Variants in SHC3 observed in about 807,000 individuals in gnomAD.
SHC3 encodes SHC adaptor protein 3, also known as SHC-transforming protein 3.
SHC3 carries 15 observed loss-of-function variants against 60.4 expected under a neutral mutation model. The observed-to-expected ratio is 0.25, with a 90% confidence interval of 0.17 to 0.38. The LOEUF (loss-of-function observed/expected upper bound fraction) is 0.38, where lower values mean the gene tolerates loss of function less well. SHC3 is among the 10% of genes least tolerant of loss of function. The pLI is 1.00. For missense variants in SHC3, 677 were observed against 786.1 expected (o/e 0.86, Z 1.66); for synonymous variants, 294 against 325.9 (o/e 0.90, Z 1.05).
chr9:89,013,436 T>A lies in SHC3; in HGVS notation c.*11A>T. The stretch of plus-strand genomic sequence containing the variant: ...ACCTGGTGCGCAGTGCTGGGAGCAG[T>A]GCTGGCCAGGTCACTGCTTCCTCTC... On this transcript the variant is annotated 3_prime_UTR_variant, in exon 12 of 12. Transcript: ENST00000375835. The A allele has an allele frequency of 1.2e-6, 2 of 1,608,908 alleles. No individual in the cohort carries two copies. The highest frequency in any genetic ancestry group is 1.7e-6 in the Non-Finnish European group (2 of 1,177,554).
rs938127662 is a variant in SHC3, at chr9:89,060,544, C to T, written c.835+4985G>A. Reference sequence around the variant, plus strand: ...CCAGGAGGCAAGAGCTTGCTTGGCACGGTCAGGGTCAAGGAAGACCCAGAA... The same window carrying T: ...CCAGGAGGCAAGAGCTTGCTTGGCATGGTCAGGGTCAAGGAAGACCCAGAA... On this transcript the variant is annotated intron_variant, in intron 6 of 11. Coordinates refer to ENST00000375835, the MANE Select transcript of SHC3 (RefSeq NM_016848.6). 3.1e-4 allele frequency among the ~76,000 whole-genome samples: 47 copies of T among 151,844 alleles called. 1 individual carries two copies. The highest frequency in any genetic ancestry group is 9.5e-4 in the African/African-American group (39 of 41,266).
At position 89,007,654 on chromosome 9, in the gene SHC3, G is replaced by A. The variant is rs1395248198; in HGVS notation, c.*5793C>T. 6.6e-6 allele frequency: 1 copy of A among 152,386 alleles called. No homozygotes were observed. Among genetic ancestry groups the A allele is most frequent in the Non-Finnish European group, 1.5e-5 (1 of 68,158 alleles). 9.4% of individuals were successfully genotyped at this position (152,386 alleles called of 1,614,324 possible). A position where few individuals can be genotyped will look rare whatever the true frequency, so the allele number is the denominator to read the frequency against. On this transcript the variant is annotated 3_prime_UTR_variant, in exon 12 of 12. Transcript: ENST00000375835. ...CTTCCCTTTCTCCTCCTTCCCTGCT[G>A]GCCTCAGACAGCTATGCATGGCTGC...
At chr9:89,155,313 G>A (rs1205633416) in intron 1 of SHC3, among the ~76,000 whole-genome samples, 3 of 152,054 alleles carry the variant, frequency 2.0e-5, no homozygotes, top group Admixed American at 6.6e-5. Context: ...CTTAATTCCC[G>A]GAGCCGGCTT....
intron 2 of SHC3, among the ~76,000 whole-genome samples, chr9:89,085,199 T>A: frequency 6.6e-6 from 1 of 152,228 alleles, no homozygotes; most frequent in Non-Finnish European, 1.5e-5. Flanking sequence ...TTGTTCTAAG[T>A]GCTCTGAAGG....
At chr9:89,124,357 T>C (rs917004758) in intron 1 of SHC3, among the ~76,000 whole-genome samples, 1 of 152,216 alleles carries the variant, frequency 6.6e-6, no homozygotes, top group African/African-American at 2.4e-5. Flanking sequence ...CAAAGAATTA[T>C]AAATCATTCT....
rs1450963033 is a variant in SHC3, at chr9:89,042,085, G to A, written c.1301C>T (p.Ala434Val). 6 of 1,602,736 alleles carry A rather than the reference G, an allele frequency of 3.7e-6. No individual in the cohort carries two copies. The highest frequency in any genetic ancestry group is 1.1e-5 in the South Asian group (1 of 88,664). The change falls in exon 10 of 12, where the codon GCC becomes GTC. Residue 434 changes from alanine to valine, a missense_variant. By Grantham distance (64) the Ala-to-Val change is moderately conservative. Coordinates refer to ENST00000375835, the MANE Select transcript of SHC3 (RefSeq NM_016848.6). ...YVNTQQIPPQ[A>V]WPAAVSSAES... ...AGCACTGCTGACCGCAGCCGGCCAG[G>A]CCTGTGGTGGGATCTGCTGAGTGTT...
intron 1 of SHC3, among the ~76,000 whole-genome samples, chr9:89,144,561 T>C (rs1286264403): frequency 6.6e-6 from 1 of 152,206 alleles, no homozygotes; most frequent in Admixed American, 6.5e-5. Flanking sequence ...TACATCACAT[T>C]AGACCTAACT....
intron 1 of SHC3, among the ~76,000 whole-genome samples, chr9:89,168,272 C>T (rs1826819218): frequency 1.3e-5 from 2 of 152,118 alleles, no homozygotes; most frequent in Non-Finnish European, 2.9e-5. Context: ...TCGAGACCAG[C>T]CAGACCAACA....
At position 89,093,031 on chromosome 9, in the gene SHC3, T is replaced by C. The variant is rs576166886; in HGVS notation, c.546-15128A>G. On this transcript the variant is annotated intron_variant, in intron 2 of 11. Transcript: ENST00000375835. ...ATGGATAATTGGGCTGTAGTTTGAGTCCATTACAAAGAATGCTTCTATGAA... is the reference window on the plus strand; with the variant it reads ...ATGGATAATTGGGCTGTAGTTTGAGCCCATTACAAAGAATGCTTCTATGAA... Among the ~76,000 whole-genome samples, 139 of 152,308 alleles carry C rather than the reference T, an allele frequency of 9.1e-4. 1 individual carries two copies. The highest frequency in any genetic ancestry group is 3.3e-3 in the African/African-American group (138 of 41,568).
intron 1 of SHC3, among the ~76,000 whole-genome samples, chr9:89,165,991 G>A (rs1826783310): frequency 6.6e-6 from 1 of 152,084 alleles, no homozygotes. Flanking sequence ...AATTGCCAGT[G>A]GCTTCCCACC....
Position 89,006,081 on chromosome 9 carries a change from C to T in SHC3, c.*7366G>A, listed in dbSNP as rs1442631739. 1 of 152,228 alleles carries T rather than the reference C, an allele frequency of 6.6e-6. No individual in the cohort carries two copies. The highest frequency in any genetic ancestry group is 1.5e-5 in the Non-Finnish European group (1 of 68,044). 9.4% of individuals were successfully genotyped at this position (152,228 alleles called of 1,614,324 possible). On this transcript the variant is annotated 3_prime_UTR_variant, in exon 12 of 12. Transcript: ENST00000375835. ...CACCACTGTTCTGATAATAAAGGCA[C>T]ATTTTCCAATAACCAATTATAACAA... is the stretch of plus-strand genomic sequence containing the variant.
chr9:89,046,447 T>C (rs1441025023), intron 8 of SHC3, among the ~76,000 whole-genome samples: 3 of 152,150 alleles, frequency 2.0e-5, no homozygotes, highest in Non-Finnish European at 4.4e-5. Context: ...ATGAATAAAA[T>C]AGAAAACTCA....
chr9:89,049,268 A>G (rs1293216830), intron 7 of SHC3, among the ~76,000 whole-genome samples: 2 of 140,834 alleles, frequency 1.4e-5, no homozygotes, highest in Non-Finnish European at 3.3e-5. Context: ...CTTAAAAACA[A>G]AACAAAACAA....
chr9:89,045,205 C>T (rs566337107), intron 9 of SHC3, among the ~76,000 whole-genome samples: 86 of 150,870 alleles, frequency 5.7e-4, no homozygotes, highest in Middle Eastern at 3.5e-3. Context: ...TGACTGCAGA[C>T]GGGGTGTGAA....
chr9:89,109,688 C>A (rs1168824405), intron 2 of SHC3: 3 of 985,346 alleles, frequency 3.0e-6, no homozygotes, highest in Non-Finnish European at 3.6e-6. Flanking sequence ...AGGAGACCAC[C>A]CCCATGCACT....
chr9:89,109,482 T>C lies in SHC3; in HGVS notation c.545+3074A>G, dbSNP rs1220672998. On this transcript the variant is annotated intron_variant, in intron 2 of 11. Coordinates refer to ENST00000375835, the MANE Select transcript of SHC3 (RefSeq NM_016848.6). The stretch of plus-strand genomic sequence containing the variant: ...GATTGTGTGGTGAAAGTTTTTACCT[T>C]GGACTTTTGTTTTCTGAGAGCATTT... 5.1e-6 allele frequency: 5 copies of C among 985,436 alleles called. No individual in the cohort carries two copies. In the African/African-American group the frequency reaches 8.7e-5, roughly 17 times the overall value. 61.0% of individuals were successfully genotyped at this position (985,436 alleles called of 1,614,324 possible). A position where few individuals can be genotyped will look rare whatever the true frequency, so the allele number is the denominator to read the frequency against.
rs115357346 is a variant in SHC3 at position 89,130,729 on chromosome 9, C to T, written c.475-18103G>A. The stretch of plus-strand genomic sequence containing the variant: ...TCTTTGAAGCCAACGAGAACAAAGA[C>T]GCAACATACCAGAATCTCATTTAAA... On this transcript the variant is annotated intron_variant, in intron 1 of 11. Transcript: ENST00000375835. 4.5e-3 allele frequency among the ~76,000 whole-genome samples: 682 copies of T among 152,138 alleles called. 7 individuals carry two copies. Among genetic ancestry groups the T allele is most frequent in the African/African-American group, 0.016 (647 of 41,498 alleles).
intron 3 of SHC3, 141 bp from the exon 4 acceptor site, chr9:89,075,369 G>A: frequency 8.8e-7 from 1 of 1,139,124 alleles, no homozygotes; most frequent in South Asian, 1.5e-5. Context: ...AAATGAATAA[G>A]CTGGGAGTAG....
intron 1 of SHC3, among the ~76,000 whole-genome samples, chr9:89,127,583 T>C (rs912666387): frequency 5.9e-5 from 9 of 152,206 alleles, no homozygotes; most frequent in African/African-American, 2.2e-4. Flanking sequence ...CATTGTGTTA[T>C]CTGACGTTTT....
Sources: gnomAD v4.1 joint callset for allele counts (sites outside exome capture counted in the v4.1 genomes callset) on GRCh38, gnomAD v4.1.1 for gene constraint, MANE v1.5 for transcripts, NCBI Gene and HGNC (gene_info 2026-07-23, HGNC 2026-07-21) for gene names.